Variants in NRXN3 observed in about 807,000 individuals in gnomAD.
NRXN3 encodes neurexin III.
In NRXN3, 32 loss-of-function variants were observed where a neutral mutation model predicts 137.6. That is an observed-to-expected ratio of 0.23 (90% confidence interval 0.18 to 0.31). NRXN3 has a LOEUF of 0.31. Among genes scored for constraint, NRXN3 ranks in the 10% least tolerant of loss-of-function variants. The pLI is 1.00. For synonymous variants in NRXN3, 798 were observed against 784.5 expected (o/e 1.02, Z -0.29); for missense variants, 1,574 against 2,062.5 (o/e 0.76, Z 4.59).
At chr14:78,295,798 G>T (rs778425505) in intron 3 of NRXN3, among the ~76,000 whole-genome samples, 1 of 152,082 alleles carries the variant, frequency 6.6e-6, no homozygotes, top group Non-Finnish European at 1.5e-5. Flanking sequence ...AAGATAAAGC[G>T]CAATGATAGA....
intron 4 of NRXN3, among the ~76,000 whole-genome samples, chr14:78,385,607 A>G (rs564697610): frequency 6.6e-6 from 1 of 152,284 alleles, no homozygotes; most frequent in South Asian, 2.1e-4. Flanking sequence ...GTGATTGGGA[A>G]ATATTCTATG....
At chr14:79,733,966 T>C (rs1353666168) in intron 19 of NRXN3, among the ~76,000 whole-genome samples, 4 of 152,196 alleles carry the variant, frequency 2.6e-5, no homozygotes, top group African/African-American at 9.7e-5. Context: ...TGACTCTAGC[T>C]AGCTTCAGCA....
intron 9 of NRXN3, among the ~76,000 whole-genome samples, chr14:78,806,929 A>G (rs2098874859): frequency 6.6e-6 from 1 of 152,212 alleles, no homozygotes; most frequent in Non-Finnish European, 1.5e-5. Flanking sequence ...TTTTATGCTT[A>G]CTTTTACAGA....
chr14:79,129,388 C>T (rs977304684), intron 15 of NRXN3, among the ~76,000 whole-genome samples: 50 of 150,614 alleles, frequency 3.3e-4, no homozygotes, highest in African/African-American at 7.7e-4. Context: ...TCTTTGTTCT[C>T]GTTGGTTTCA....
intron 15 of NRXN3, among the ~76,000 whole-genome samples, chr14:79,037,060 A>T (rs1452376087): frequency 1.3e-5 from 2 of 152,004 alleles, no homozygotes; most frequent in African/African-American, 4.8e-5. Flanking sequence ...TTTATAATTC[A>T]CCTGGGTTAA....
At chr14:79,072,570 CAG>C (rs993164475) in intron 15 of NRXN3, 2 of 152,092 alleles carry the variant, frequency 1.3e-5, no homozygotes, top group African/African-American at 4.8e-5. Context: ...GGTTTTAAAA[CAG>C]AGAAAAAAGT....
chr14:79,368,394 T>A lies in NRXN3; in HGVS notation c.3263-98827T>A, dbSNP rs538001872. Among the ~76,000 whole-genome samples, 4 of 152,354 alleles carry A rather than the reference T, an allele frequency of 2.6e-5. No individual in the cohort carries two copies. In the South Asian group the frequency reaches 8.3e-4, roughly 32 times the overall value. ...TTTTTGCCATGGCTGATGCTAAGTG[T>A]TGAGGCTAGAAATGCATATGAATTA... On this transcript the variant is annotated intron_variant, in intron 15 of 20. Transcript: ENST00000335750.
intron 15 of NRXN3, among the ~76,000 whole-genome samples, chr14:79,000,568 T>C (rs28540711): frequency 0.048 from 7,296 of 152,228 alleles, 637 homozygotes; most frequent in African/African-American, 0.17. Flanking sequence ...CAGGGAGGTG[T>C]CATCTGGATT....
intron 16 of NRXN3, among the ~76,000 whole-genome samples, chr14:79,475,355 C>T (rs1815410514): frequency 6.6e-6 from 1 of 152,046 alleles, no homozygotes; most frequent in Admixed American, 6.6e-5. Context: ...TACAAGAGCC[C>T]TTAGACTGTT....
At chr14:79,675,889 C>G (rs530679467) in intron 17 of NRXN3, among the ~76,000 whole-genome samples, 2 of 152,040 alleles carry the variant, frequency 1.3e-5, no homozygotes, top group East Asian at 1.9e-4. Flanking sequence ...TTTAAATACA[C>G]CCCTCTCTCC....
At chr14:79,820,055 A>G (rs906342659) in intron 20 of NRXN3, among the ~76,000 whole-genome samples, 4 of 151,928 alleles carry the variant, frequency 2.6e-5, no homozygotes, top group African/African-American at 9.7e-5. Flanking sequence ...GTCATATCCC[A>G]GTAATTCTTC....
chr14:78,762,770 A>C lies in NRXN3; in HGVS notation c.2045-40850A>C, dbSNP rs149686371. Among the ~76,000 whole-genome samples the C allele has an allele frequency of 6.0e-3, 908 of 152,338 alleles. 9 individuals carry two copies. Among genetic ancestry groups the C allele is most frequent in the Middle Eastern group, 0.027 (8 of 294 alleles). ...CATGCCTGGCACATAGTAAGTGCTCAATAATTTTTAGCTCTAATCATAGTA... is the reference window on the plus strand; with the variant it reads ...CATGCCTGGCACATAGTAAGTGCTCCATAATTTTTAGCTCTAATCATAGTA... On this transcript the variant is annotated intron_variant, in intron 8 of 20. Transcript: ENST00000335750.
chr14:79,351,572 A>G (rs143493197), intron 15 of NRXN3, among the ~76,000 whole-genome samples: 6 of 152,308 alleles, frequency 3.9e-5, no homozygotes, highest in Admixed American at 3.9e-4. Flanking sequence ...TCAGTTTCCT[A>G]ATCTACAAAA....
chr14:78,525,024 A>G (rs2096356449), intron 4 of NRXN3, among the ~76,000 whole-genome samples: 1 of 152,188 alleles, frequency 6.6e-6, no homozygotes, highest in African/African-American at 2.4e-5. Context: ...ATTTTATCTG[A>G]TCTACTTCTC....
chr14:78,798,083 G>A (rs1360251573), intron 8 of NRXN3, among the ~76,000 whole-genome samples: 1 of 152,016 alleles, frequency 6.6e-6, no homozygotes, highest in African/African-American at 2.4e-5. Flanking sequence ...TTCAAAACCA[G>A]TCATGCTTTC....
rs764925630 is a variant in NRXN3 at position 78,709,606 on chromosome 14, C to T, written c.1611C>T (p.Ala537=). The change falls in exon 7 of 21, where the codon GCC becomes GCT. Residue 537 remains alanine, a synonymous_variant. Transcript: ENST00000335750. ...AAGTGAAAGCCACTCAGAAGAAAGC[C>T]AATGATGGGGAATGGTACCATGTGG... is the stretch of plus-strand genomic sequence containing the variant. The part of the protein sequence containing the change: ...TIKVKATQKK[A]NDGEWYHVDI... 1 of 1,613,820 alleles carries T rather than the reference C, an allele frequency of 6.2e-7. No individual in the cohort carries two copies. Among genetic ancestry groups the T allele is most frequent in the South Asian group, 1.1e-5 (1 of 91,064 alleles).
At chr14:79,267,000 A>G (rs545730919) in intron 15 of NRXN3, among the ~76,000 whole-genome samples, 2 of 152,352 alleles carry the variant, frequency 1.3e-5, no homozygotes, top group South Asian at 4.1e-4. Context: ...TCACTTAACT[A>G]TCATATATAT....
At chr14:78,763,314 T>A (rs932748324) in intron 8 of NRXN3, among the ~76,000 whole-genome samples, 4 of 152,148 alleles carry the variant, frequency 2.6e-5, no homozygotes, top group African/African-American at 9.7e-5. Flanking sequence ...AGCTGCGTGA[T>A]CTTGGAGTAA....
At chr14:78,968,943 C>A (rs1427338318) in intron 14 of NRXN3, among the ~76,000 whole-genome samples, 1 of 152,114 alleles carries the variant, frequency 6.6e-6, no homozygotes, top group African/African-American at 2.4e-5. Context: ...ATTAGAAATA[C>A]CTGGATTCAG....
Sources: gnomAD v4.1 joint callset for allele counts (sites outside exome capture counted in the v4.1 genomes callset) on GRCh38, gnomAD v4.1.1 for gene constraint, MANE v1.5 for transcripts, NCBI Gene and HGNC (gene_info 2026-07-23, HGNC 2026-07-21) for gene names.